The following DAB1 variants were observed in gnomAD, a reference collection of about 807,000 sequenced individuals.
DAB1 encodes the protein disabled homolog 1.
A neutral mutation model predicts 64.6 loss-of-function variants in DAB1; 15 were observed. The ratio of observed to expected loss-of-function variants is 0.23; its 90% CI spans 0.16 to 0.36. The LOEUF (loss-of-function observed/expected upper bound fraction) is 0.36, where lower values mean the gene tolerates loss of function less well. DAB1 is among the 10% of genes least tolerant of loss of function. DAB1 has a pLI of 1.00. For missense variants in DAB1, 596 were observed against 706.7 expected (o/e 0.84, Z 1.78); for synonymous variants, 235 against 251.9 (o/e 0.93, Z 0.64).
At chr1:57,754,931 C>A (rs568094789) in intron 6 of DAB1, among the ~76,000 whole-genome samples, 2 of 152,212 alleles carry the variant, frequency 1.3e-5, no homozygotes, top group African/African-American at 4.8e-5. Flanking sequence ...CAAACCAATC[C>A]CTTAGTACAG....
intron 1 of DAB1, among the ~76,000 whole-genome samples, chr1:57,421,924 G>GT: frequency 7.6e-6 from 1 of 131,940 alleles, no homozygotes; most frequent in Non-Finnish European, 1.7e-5. Flanking sequence ...TGGCGGGGGG[G>GT]GGTGCCTACT....
intron 7 of DAB1, among the ~76,000 whole-genome samples, chr1:57,520,753 A>G (rs1220813571): frequency 1.3e-5 from 2 of 152,040 alleles, no homozygotes; most frequent in Admixed American, 1.3e-4. Context: ...GTAAATTACA[A>G]TTTTGGCCAA....
At chr1:58,166,801 G>T (rs1393345468) in intron 4 of DAB1, among the ~76,000 whole-genome samples, 3 of 149,630 alleles carry the variant, frequency 2.0e-5, no homozygotes, top group Non-Finnish European at 4.4e-5. Flanking sequence ...CACCCAGGCT[G>T]GAGTGTAGTG....
At chr1:57,218,437 T>C (rs1423020289) in intron 2 of DAB1, among the ~76,000 whole-genome samples, 1 of 144,004 alleles carries the variant, frequency 6.9e-6, no homozygotes, top group Non-Finnish European at 1.5e-5. Context: ...TCCCAAACTT[T>C]GGGAAGCTGA....
At chr1:57,234,847 A>C (rs1050276962) in intron 2 of DAB1, among the ~76,000 whole-genome samples, 1 of 152,198 alleles carries the variant, frequency 6.6e-6, no homozygotes, top group Non-Finnish European at 1.5e-5. Context: ...CTTGCTGACT[A>C]TGTGCTGGGG....
At chr1:57,095,146 G>A (rs947326124) in intron 4 of DAB1, among the ~76,000 whole-genome samples, 2 of 152,174 alleles carry the variant, frequency 1.3e-5, no homozygotes, top group African/African-American at 4.8e-5. Context: ...TCTGCATTGA[G>A]TTTACCGTAG....
chr1:58,520,324 A>C (rs1400168784), intron 2 of DAB1, among the ~76,000 whole-genome samples: 1 of 152,244 alleles, frequency 6.6e-6, no homozygotes, highest in Non-Finnish European at 1.5e-5. Context: ...CTGACAAAGA[A>C]CTTGCACCTA....
chr1:57,591,501 T>G (rs1423353329), intron 7 of DAB1, among the ~76,000 whole-genome samples: 1 of 152,178 alleles, frequency 6.6e-6, no homozygotes, highest in African/African-American at 2.4e-5. Context: ...ACATTCTGAC[T>G]GGGGTCAGTG....
At chr1:57,242,416 G>C (rs1458701551) in intron 2 of DAB1, among the ~76,000 whole-genome samples, 1 of 152,156 alleles carries the variant, frequency 6.6e-6, no homozygotes, top group East Asian at 1.9e-4. Flanking sequence ...GAAGGGTCAC[G>C]GGGGAAGTAG....
At chr1:58,226,713 T>C (rs960724817) in intron 4 of DAB1, among the ~76,000 whole-genome samples, 1 of 152,226 alleles carries the variant, frequency 6.6e-6, no homozygotes, top group African/African-American at 2.4e-5. Flanking sequence ...TTTTGTATAA[T>C]CCTTAGGAGG....
chr1:57,825,467 T>G (rs1024599916), downstream of DAB1, among the ~76,000 whole-genome samples: 1 of 152,206 alleles, frequency 6.6e-6, no homozygotes, highest in African/African-American at 2.4e-5. Context: ...TCAAAGCATC[T>G]GAATGTCTCA....
chr1:57,420,776 A>C (rs769249011), intron 1 of DAB1, among the ~76,000 whole-genome samples: 1 of 152,246 alleles, frequency 6.6e-6, no homozygotes, highest in South Asian at 2.1e-4. Flanking sequence ...TGATGAAAGC[A>C]AGGTTCTGGG....
At chr1:58,121,197 C>T (rs986897063) in intron 5 of DAB1, among the ~76,000 whole-genome samples, 39 of 152,090 alleles carry the variant, frequency 2.6e-4, no homozygotes, top group African/African-American at 9.4e-4. Flanking sequence ...TTATGATCAT[C>T]AAGATACCAG....
intron 5 of DAB1, among the ~76,000 whole-genome samples, chr1:58,118,170 C>G (rs1652461887): frequency 6.6e-6 from 1 of 151,410 alleles, no homozygotes; most frequent in Non-Finnish European, 1.5e-5. Flanking sequence ...CTTGGCCTTC[C>G]AAAGTGCTAG....
At chr1:57,673,346 G>A (rs1017468549) in intron 6 of DAB1, among the ~76,000 whole-genome samples, 2 of 152,150 alleles carry the variant, frequency 1.3e-5, no homozygotes, top group African/African-American at 4.8e-5. Flanking sequence ...TGGTTCTAAT[G>A]CAGTGTATGT....
In DAB1 at chr1:58,376,142, T is replaced by C. The variant is rs1430636977; in HGVS notation, n.258-32739A>G. ...TTCAAAAAACCAGCTCCTGGGTTCA[T>C]TGATTTTTTGAAGGGGTTTTTTTGT... On this transcript the variant is annotated intron_variant and non_coding_transcript_variant, in intron 3 of 20. Coordinates refer to the DAB1 transcript ENST00000485760. 6.6e-5 allele frequency among the ~76,000 whole-genome samples: 10 copies of C among 152,154 alleles called. No individual in the cohort carries two copies. The East Asian group carries it at 9.6e-4, about 15-fold the overall frequency.
At chr1:57,022,938 A>G (rs3729545) in intron 11 of DAB1, among the ~76,000 whole-genome samples, 2,553 of 152,386 alleles carry the variant, frequency 0.017, 74 homozygotes, top group East Asian at 0.14. Flanking sequence ...CTGCCACTAT[A>G]TATTTTTTTA....
chr1:57,400,177 A>G (rs1312145341), intron 1 of DAB1, among the ~76,000 whole-genome samples: 5 of 152,196 alleles, frequency 3.3e-5, no homozygotes, highest in Admixed American at 3.3e-4. Flanking sequence ...ACTGCTGGAG[A>G]CTGGAAACAC....
intron 4 of DAB1, among the ~76,000 whole-genome samples, chr1:58,192,658 T>C (rs1181212239): frequency 6.6e-6 from 1 of 152,188 alleles, no homozygotes; most frequent in Non-Finnish European, 1.5e-5. Context: ...TATATGTATA[T>C]ATGTGTGTGT....
Sources: allele counts gnomAD v4.1 joint callset (sites outside exome capture counted in the v4.1 genomes callset), GRCh38; gene constraint gnomAD v4.1.1; transcripts MANE v1.5; gene names NCBI Gene and HGNC (gene_info 2026-07-23, HGNC 2026-07-21).